ADAM7: variants seen among roughly 807,000 people sequenced by gnomAD.
ADAM7 encodes the protein ADAM metallopeptidase domain 7.
In ADAM7, 97 loss-of-function variants were observed where a neutral mutation model predicts 102.9. That is an observed-to-expected ratio of 0.94 (90% CI 0.80 to 1.12). ADAM7 has a LOEUF of 1.12. ADAM7 is among the 50% of genes most tolerant of loss of function. The pLI, the probability that ADAM7 is intolerant of heterozygous loss-of-function variation, is 0.00. For missense variants in ADAM7, 991 were observed against 908.7 expected (o/e 1.09, Z -1.16); for synonymous variants, 334 against 304.4 (o/e 1.10, Z -1.01).
At chr8:24,450,035 C>A (rs1345193693) in intron 3 of ADAM7, among the ~76,000 whole-genome samples, 1 of 152,120 alleles carries the variant, frequency 6.6e-6, no homozygotes, top group Non-Finnish European at 1.5e-5. Flanking sequence ...GAGTACCATG[C>A]TGTTTTGGTT....
At position 24,491,921 on chromosome 8, in the gene ADAM7, A is replaced by G. The variant is rs1257800691; in HGVS notation, c.1375A>G (p.Ile459Val). 5.0e-6 allele frequency: 8 copies of G among 1,611,864 alleles called. No individual in the cohort carries two copies. The Admixed American group carries it at 1.3e-4, about 27-fold the overall frequency. Residue 459 changes from isoleucine to valine, a missense_variant, in exon 14 of 22, where the codon ATA becomes GTA. By Grantham distance (29) the Ile-to-Val change is conservative (BLOSUM62 3). Transcript: ENST00000175238. ...TCAACAGATAAAAAAAGCAGGGTCC[A>G]TATGCAGACCGGCGAAAGATGAATG... ...ESCQIKKAGS[I>V]CRPAKDECDF...
At chr8:24,446,768 G>T (rs1263136904) in intron 2 of ADAM7, among the ~76,000 whole-genome samples, 1 of 151,132 alleles carries the variant, frequency 6.6e-6, no homozygotes, top group Non-Finnish European at 1.5e-5. Context: ...TATGGTAAAT[G>T]GTGTATCCTT....
intron 18 of ADAM7, 50 bp from the exon 19 acceptor site, chr8:24,500,738 ACT>A (rs1820730075): frequency 2.1e-6 from 3 of 1,429,910 alleles, no homozygotes; most frequent in Non-Finnish European, 2.9e-6. Context: ...TTAATATTCC[ACT>A]GTTTTACAAC....
chr8:24,499,525 T>G (rs1011401805), intron 17 of ADAM7, among the ~76,000 whole-genome samples: 3 of 152,160 alleles, frequency 2.0e-5, no homozygotes, highest in Non-Finnish European at 4.4e-5. Flanking sequence ...ATACAGCCAG[T>G]ATTACAAGTA....
At chr8:24,480,224 C>T (rs562592593) in intron 8 of ADAM7, among the ~76,000 whole-genome samples, 10 of 152,276 alleles carry the variant, frequency 6.6e-5, no homozygotes, top group Admixed American at 5.9e-4. Flanking sequence ...AGCATACATA[C>T]AAAATTGTTG....
chr8:24,468,738 C>T (rs774609092), intron 6 of ADAM7, 29 bp from the exon 7 acceptor site: 3 of 1,603,658 alleles, frequency 1.9e-6, no homozygotes, highest in East Asian at 4.5e-5. Context: ...GTTAACTATA[C>T]TTCAACTGAA....
chr8:24,466,745 T>G, intron 5 of ADAM7, 54 bp from the exon 6 acceptor site: 5 of 1,522,494 alleles, frequency 3.3e-6, no homozygotes, highest in Non-Finnish European at 4.5e-6. Flanking sequence ...GTCAATACAA[T>G]GAAATAGAGT....
At chr8:24,499,166 A>G (rs1820660578) in intron 16 of ADAM7, 70 bp from the exon 17 acceptor site, 2 of 1,217,380 alleles carry the variant, frequency 1.6e-6, no homozygotes, top group Non-Finnish European at 2.3e-6. Flanking sequence ...CTTCACATGC[A>G]TTACATGAAA....
chr8:24,487,097 A>AAGCC, intron 10 of ADAM7, 90 bp from the exon 11 acceptor site: 1 of 1,365,110 alleles, frequency 7.3e-7, no homozygotes. Flanking sequence ...TAGGAGCTAG[A>AAGCC]AGCCAGGTCT....
chr8:24,501,552 C>A lies in ADAM7; in HGVS notation c.2184C>A (p.Ile728=), dbSNP rs143083584. Residue 728 remains isoleucine, a synonymous_variant, in exon 20 of 22, where the codon ATC becomes ATA. Coordinates refer to ENST00000175238, the MANE Select transcript of ADAM7 (RefSeq NM_003817.4). ...AGCAGCAGATAAGGACTGAGCCAAT[C>A]CTGCCAGAAATTCATTTCCTAAATG... ...GDEQQIRTEP[I]LPEIHFLNKP... is the part of the protein sequence containing the mutation. The A allele has an allele frequency of 1.2e-6, 2 of 1,601,428 alleles. No homozygotes were observed. Among genetic ancestry groups the A allele is most frequent in the African/African-American group, 2.7e-5 (2 of 73,974 alleles).
At chr8:24,483,963 T>C (rs1006175525) in intron 9 of ADAM7, among the ~76,000 whole-genome samples, 3 of 152,120 alleles carry the variant, frequency 2.0e-5, no homozygotes, top group Non-Finnish European at 4.4e-5. Context: ...AGCATCATAT[T>C]TGGGACTTCT....
chr8:24,459,258 A>G (rs1819153039), intron 3 of ADAM7, among the ~76,000 whole-genome samples: 1 of 151,978 alleles, frequency 6.6e-6, no homozygotes, highest in Non-Finnish European at 1.5e-5. Context: ...TTCAAAAAAA[A>G]ATGTCTATTT....
chr8:24,507,198 A>G (rs1029629926), intron 20 of ADAM7, among the ~76,000 whole-genome samples: 1 of 152,048 alleles, frequency 6.6e-6, no homozygotes, highest in East Asian at 1.9e-4. Flanking sequence ...TCTCTTACCT[A>G]ATATATTCTA....
chr8:24,505,383 G>C lies in ADAM7; in HGVS notation c.2209-2097G>C, dbSNP rs148544441. Among the ~76,000 whole-genome samples, 6 of 152,220 alleles carry C rather than the reference G, an allele frequency of 3.9e-5. No individual in the cohort carries two copies. The East Asian group carries it at 1.2e-3, about 29-fold the overall frequency. On this transcript the variant is annotated intron_variant, in intron 20 of 21. Transcript: ENST00000175238. ...ATGAATAAATATCTGTTGAATATGT[G>C]AATAAATTCAATTTACTGTTGATGG...
chr8:24,473,289 C>G lies in ADAM7; in HGVS notation c.634-3144C>G, dbSNP rs569167000. On this transcript the variant is annotated intron_variant, in intron 7 of 21. Coordinates refer to ENST00000175238, the MANE Select transcript of ADAM7 (RefSeq NM_003817.4). ...CCACTGTGTAATCAACTACTCAAAACCTGGTGGGTAATCAATGACTCATGC... is the reference window on the plus strand; with the variant it reads ...CCACTGTGTAATCAACTACTCAAAAGCTGGTGGGTAATCAATGACTCATGC... Among the ~76,000 whole-genome samples, 9 of 152,216 alleles carry G rather than the reference C, an allele frequency of 5.9e-5. No individual in the cohort carries two copies. The South Asian group carries it at 1.5e-3, about 25-fold the overall frequency.
chr8:24,466,414 C>T (rs373805362), intron 5 of ADAM7, among the ~76,000 whole-genome samples: 2 of 152,080 alleles, frequency 1.3e-5, no homozygotes, highest in South Asian at 2.1e-4. Flanking sequence ...ACACAGTTAC[C>T]ACATATTAGT....
intron 16 of ADAM7, among the ~76,000 whole-genome samples, chr8:24,498,549 G>GTATATATA (rs138184963): frequency 2.0e-5 from 3 of 148,678 alleles, no homozygotes; most frequent in South Asian, 2.1e-4. Flanking sequence ...AGGACTAAGA[G>GTATATATA]TATATATATA....
At chr8:24,505,142 T>C (rs1442228547) in intron 20 of ADAM7, among the ~76,000 whole-genome samples, 3 of 152,186 alleles carry the variant, frequency 2.0e-5, no homozygotes, top group Non-Finnish European at 4.4e-5. Context: ...CGATGCCTCA[T>C]GTGCTGTTGC....
chr8:24,456,384 G>A (rs758052645), intron 3 of ADAM7, among the ~76,000 whole-genome samples: 3 of 152,002 alleles, frequency 2.0e-5, no homozygotes, highest in Non-Finnish European at 2.9e-5. Context: ...GTCGATGGAC[G>A]CCTAGGTTGA....
Sources: gnomAD v4.1 joint callset for allele counts (sites outside exome capture counted in the v4.1 genomes callset) on GRCh38, gnomAD v4.1.1 for gene constraint, MANE v1.5 for transcripts, NCBI Gene and HGNC (gene_info 2026-07-23, HGNC 2026-07-21) for gene names.